The following NFU1 variants were observed in gnomAD, a reference collection of about 807,000 sequenced individuals.
NFU1 encodes NFU1 iron-sulfur cluster scaffold homolog, mitochondrial.
In NFU1, 30 loss-of-function variants were observed where a neutral mutation model predicts 32.2. The ratio of observed to expected loss-of-function variants is 0.93; its 90% CI spans 0.70 to 1.26. The LOEUF (loss-of-function observed/expected upper bound fraction) is 1.26. NFU1 is among the 50% of genes most tolerant of loss of function. NFU1 has a pLI of 0.00. For synonymous variants in NFU1, 112 were observed against 104.6 expected (o/e 1.07, Z -0.43); for missense variants, 306 against 306.6 (o/e 1.00, Z 0.02).
At chr2:69,429,474 C>T (rs1348164556) in intron 2 of NFU1, among the ~76,000 whole-genome samples, 1 of 151,644 alleles carries the variant, frequency 6.6e-6, no homozygotes, top group Non-Finnish European at 1.5e-5. Context: ...GGCAAGAGGA[C>T]TGCTTGAGCC....
At chr2:69,406,140 C>A in intron 5 of NFU1, 58 bp from the exon 6 acceptor site, 2 of 983,942 alleles carry the variant, frequency 2.0e-6, no homozygotes, top group Non-Finnish European at 3.3e-6. Context: ...CATGCAAGTA[C>A]GAGTATTAAA....
rs563358560 is a variant in NFU1 at position 69,397,436 on chromosome 2, T to C, written c.721-1146A>G. On this transcript the variant is annotated intron_variant, in intron 7 of 7. Coordinates refer to ENST00000410022, the MANE Select transcript of NFU1 (RefSeq NM_001002755.4). ...AGTTACATAAACCTAAGAATGTTTT[T>C]TTCTCCTCACCACACCTACTACAAT... 2.0e-5 allele frequency among the ~76,000 whole-genome samples: 3 copies of C among 152,240 alleles called. No homozygotes were observed. In the South Asian group the frequency reaches 6.2e-4, roughly 32 times the overall value.
chr2:69,404,565 G>A (rs114774101), intron 6 of NFU1, among the ~76,000 whole-genome samples: 2,518 of 141,426 alleles, frequency 0.018, 81 homozygotes, highest in African/African-American at 0.063. Context: ...ACATTACCTC[G>A]CATACTTATT....
upstream of NFU1, chr2:69,437,476 A>G: frequency 6.3e-7 from 1 of 1,585,530 alleles, no homozygotes; most frequent in Non-Finnish European, 8.6e-7. Flanking sequence ...AGATCTGCGC[A>G]GCCGCAGGCT....
chr2:69,411,434 C>A (rs1672874069), intron 5 of NFU1, among the ~76,000 whole-genome samples: 1 of 151,946 alleles, frequency 6.6e-6, no homozygotes, highest in South Asian at 2.1e-4. Context: ...AAAAGATGAA[C>A]TAATGTAACC....
chr2:69,425,534 T>C (rs1477823612), intron 2 of NFU1, among the ~76,000 whole-genome samples: 2 of 151,502 alleles, frequency 1.3e-5, no homozygotes, highest in East Asian at 3.9e-4. Context: ...TTTGTATTTT[T>C]AGTAGAGACA....
At chr2:69,437,537 C>A, upstream of NFU1, 2 of 1,347,102 alleles carry the variant, frequency 1.5e-6, no homozygotes, top group African/African-American at 1.4e-5. Context: ...CGGCTGCGGG[C>A]GGTCCTGCTG....
rs1672327232 is a variant in NFU1 at position 69,396,251 on chromosome 2, GTGAGTT to G, written c.754_759del (p.Asn252_Ser253del). The G allele has an allele frequency of 6.2e-7, 1 of 1,610,738 alleles. No homozygotes were observed. The highest frequency in any genetic ancestry group is 1.7e-5 in the Admixed American group (1 of 59,958). On this transcript the variant is annotated inframe_deletion, in exon 8 of 8. Coordinates refer to ENST00000410022, the MANE Select transcript of NFU1 (RefSeq NM_001002755.4). Reference sequence around the variant, plus strand: ...CAAAGAAAATCCAGATTATTTTAAGGTGAGTTTGCTTCTTTTTCATCTGATTCATCA... The same window carrying G: ...CAAAGAAAATCCAGATTATTTTAAGGTGCTTCTTTTTCATCTGATTCATCA...
At chr2:69,436,523 TA>T (rs1464207208) in intron 1 of NFU1, among the ~76,000 whole-genome samples, 3 of 152,188 alleles carry the variant, frequency 2.0e-5, no homozygotes, top group African/African-American at 7.2e-5. Flanking sequence ...CTTGTTTTTT[TA>T]AAGTAAGAGT....
chr2:69,396,874 CA>C (rs1672355563), intron 7 of NFU1, among the ~76,000 whole-genome samples: 1 of 151,704 alleles, frequency 6.6e-6, no homozygotes, highest in South Asian at 2.1e-4. Flanking sequence ...AGATCAAGAC[CA>C]TCCTGGCTAA....
intron 2 of NFU1, among the ~76,000 whole-genome samples, chr2:69,430,705 A>T (rs1046849432): frequency 5.9e-5 from 9 of 152,250 alleles, no homozygotes; most frequent in African/African-American, 1.9e-4. Flanking sequence ...TGGTTTAATC[A>T]GCTGAGTTAC....
intron 2 of NFU1, among the ~76,000 whole-genome samples, chr2:69,424,198 AATATAT>A (rs1177261342): frequency 1.0e-3 from 75 of 74,546 alleles, no homozygotes; most frequent in Non-Finnish European, 1.5e-3. Flanking sequence ...AAAAAAAAAA[AATATAT>A]ATATATATAT....
rs1473160753 is a variant in NFU1 at position 69,406,007 on chromosome 2, G to C, written c.545+15C>G. On this transcript the variant is annotated intron_variant, in intron 6 of 7. Coordinates refer to ENST00000410022, the MANE Select transcript of NFU1 (RefSeq NM_001002755.4). ...TCCAAAGCACTTGAATTCAGGTAGA[G>C]AGAGGAGCACGTACCGTATTCTAGT... is the stretch of plus-strand genomic sequence containing the variant. The C allele has an allele frequency of 1.3e-6, 2 of 1,549,986 alleles. No homozygotes were observed. Among genetic ancestry groups the C allele is most frequent in the Non-Finnish European group, 1.8e-6 (2 of 1,123,086 alleles).
At chr2:69,438,367 C>A (rs1237850958), upstream of NFU1, among the ~76,000 whole-genome samples, 1 of 151,992 alleles carries the variant, frequency 6.6e-6, no homozygotes, top group African/African-American at 2.4e-5. Context: ...CATCCTCCAG[C>A]CTCAGCCTCC....
At chr2:69,404,258 G>A (rs942939161) in intron 6 of NFU1, among the ~76,000 whole-genome samples, 9 of 151,484 alleles carry the variant, frequency 5.9e-5, no homozygotes, top group Admixed American at 1.3e-4. Flanking sequence ...TTGGGAGGCC[G>A]AGGAGGGTAG....
rs1031282190 is a variant in NFU1 at position 69,405,966 on chromosome 2, T to C, written c.545+56A>G. On this transcript the variant is annotated intron_variant, in intron 6 of 7. Transcript: ENST00000410022. ...TCATGGCCAACTAAAACTATATTGC[T>C]ATAATGAAAAATGCCTCCAAAGCAC... The C allele has an allele frequency of 6.4e-6, 7 of 1,087,078 alleles. No individual in the cohort carries two copies. The African/African-American group carries it at 9.2e-5, about 14-fold the overall frequency. The allele number at this position is 1,087,078 out of a possible 1,614,324, so 67.3% of individuals were successfully genotyped here.
At chr2:69,419,399 A>G in intron 4 of NFU1, 139 bp downstream of exon 4, 1 of 619,322 alleles carries the variant, frequency 1.6e-6, no homozygotes. Context: ...TTTAGAGGAC[A>G]AGAGAGTAAG....
At chr2:69,439,151 A>C (rs865914943), upstream of NFU1, among the ~76,000 whole-genome samples, 8 of 152,084 alleles carry the variant, frequency 5.3e-5, no homozygotes, top group Middle Eastern at 6.8e-3. Flanking sequence ...CTTAGTCTCT[A>C]GTTTTTCACT....
chr2:69,400,552 G>T lies in NFU1; in HGVS notation c.546-14C>A, dbSNP rs758689641. The T allele has an allele frequency of 1.9e-6, 3 of 1,610,794 alleles. No individual in the cohort carries two copies. Among genetic ancestry groups the T allele is most frequent in the Admixed American group, 1.7e-5 (1 of 59,966 alleles). ...TGCACAGTTGGCCTGTGAGGTCAAA[G>T]AATATTTATGACATATTCTTTAAAA... On this transcript the variant is annotated splice_polypyrimidine_tract_variant and intron_variant, in intron 6 of 7. Transcript: ENST00000410022.
Sources: gnomAD v4.1 joint callset for allele counts (sites outside exome capture counted in the v4.1 genomes callset) on GRCh38, gnomAD v4.1.1 for gene constraint, MANE v1.5 for transcripts, NCBI Gene and HGNC (gene_info 2026-07-23, HGNC 2026-07-21) for gene names.